The following CIDEA variants were observed in gnomAD, a reference collection of about 807,000 sequenced individuals.
CIDEA encodes the protein lipid transferase CIDEA.
A neutral mutation model predicts 18.2 loss-of-function variants in CIDEA; 10 were observed. That is an observed-to-expected ratio of 0.55 (90% CI 0.34 to 0.93). The LOEUF is 0.93. Among genes scored for constraint, CIDEA ranks in the 40% least tolerant of loss-of-function variants. The probability of loss-of-function intolerance (pLI) is 0.02; values close to 1 mark genes in which losing one functional copy is unlikely to be tolerated. For synonymous variants in CIDEA, 128 were observed against 124.8 expected, an observed-to-expected ratio of 1.03 and a Z score of -0.17; for missense variants, 309 against 293.1, an observed-to-expected ratio of 1.05 and a Z score of -0.40.
chr18:12,259,655 T>G (rs750863773), intron 1 of CIDEA, among the ~76,000 whole-genome samples: 4 of 150,972 alleles, frequency 2.6e-5, no homozygotes, highest in Non-Finnish European at 5.9e-5. Context: ...AGGTCAGGAG[T>G]TGGAGACAAG....
chr18:12,260,287 T>G lies in CIDEA; in HGVS notation c.39-2538T>G, dbSNP rs142192641. ...CAATCTAGGGCTCGAGCAATCCCCT[T>G]GCCTCAGCCTCCCAAGTAGCTAGGA... On this transcript the variant is annotated intron_variant, in intron 1 of 4. Coordinates refer to ENST00000320477, the MANE Select transcript of CIDEA (RefSeq NM_001279.4). Among the ~76,000 whole-genome samples, 50 of 152,250 alleles carry G rather than the reference T, an allele frequency of 3.3e-4. No individual in the cohort carries two copies. The East Asian group carries it at 5.8e-3, about 18-fold the overall frequency.
At chr18:12,273,956 T>A in intron 3 of CIDEA, 137 bp from the exon 4 acceptor site, 1 of 852,464 alleles carries the variant, frequency 1.2e-6, no homozygotes, top group Non-Finnish European at 1.8e-6. Context: ...AAAGCATCTC[T>A]CTATCGATTA....
intron 3 of CIDEA, among the ~76,000 whole-genome samples, chr18:12,271,037 T>G (rs1011501795): frequency 6.6e-6 from 1 of 151,678 alleles, no homozygotes; most frequent in African/African-American, 2.4e-5. Flanking sequence ...TAGCTGGGAT[T>G]ACAGGCGCCC....
In CIDEA at chr18:12,274,136, G is replaced by A. The variant is rs866699098; in HGVS notation, c.374G>A (p.Gly125Glu). Reference protein sequence around the residue: ...VPTCSPPKRSGIARVTFDLYR... With the variant: ...VPTCSPPKRSEIARVTFDLYR... ...ACTTGCTCGCCGCCGAAGAGGTCGG[G>A]AATAGCGAGAGTCACCTTCGACTTG... The change falls in exon 4 of 5, where the codon GGA becomes GAA. Residue 125 changes from glycine (G) to glutamate (E), a missense_variant. Transcript: ENST00000320477. The A allele has an allele frequency of 1.2e-6, 2 of 1,614,098 alleles. No homozygotes were observed. Among genetic ancestry groups the A allele is most frequent in the Non-Finnish European group, 1.7e-6 (2 of 1,180,042 alleles).
At chr18:12,270,908 T>C (rs1487197171) in intron 3 of CIDEA, among the ~76,000 whole-genome samples, 1 of 140,522 alleles carries the variant, frequency 7.1e-6, no homozygotes, top group African/African-American at 2.6e-5. Context: ...TTTTTTTTTT[T>C]TTTTTTTTTG....
intron 1 of CIDEA, among the ~76,000 whole-genome samples, chr18:12,261,996 T>A (rs1294163453): frequency 6.6e-6 from 1 of 151,894 alleles, no homozygotes; most frequent in Non-Finnish European, 1.5e-5. Flanking sequence ...AGTAAGGCCC[T>A]GTCTCTACAA....
At position 12,277,305 on chromosome 18, in the gene CIDEA, C is replaced by T; in HGVS notation, c.*35C>T. 6.2e-7 allele frequency: 1 copy of T among 1,611,554 alleles called. No homozygotes were observed. The highest frequency in any genetic ancestry group is 8.5e-7 in the Non-Finnish European group (1 of 1,178,192). On this transcript the variant is annotated 3_prime_UTR_variant, in exon 5 of 5. Transcript: ENST00000320477. Reference sequence around the variant, plus strand: ...CTGTCGCCGGCTCTTGAGCCAAACACTGTGTTTCGTTTGGCTCAATGACGA... The same window carrying T: ...CTGTCGCCGGCTCTTGAGCCAAACATTGTGTTTCGTTTGGCTCAATGACGA...
intron 3 of CIDEA, among the ~76,000 whole-genome samples, chr18:12,265,246 A>G (rs1460641118): frequency 1.3e-5 from 2 of 152,272 alleles, no homozygotes; most frequent in African/African-American, 4.8e-5. Context: ...ATGCCTAAAA[A>G]TGTAAAGCAC....
At chr18:12,254,991 T>G (rs1568099108) in intron 1 of CIDEA, 1 of 1,178,508 alleles carries the variant, frequency 8.5e-7, no homozygotes, top group East Asian at 5.9e-5. Flanking sequence ...CCTCCTTGCC[T>G]CCGGGTCCAA....
intron 4 of CIDEA, among the ~76,000 whole-genome samples, chr18:12,275,678 G>A (rs903962358): frequency 2.0e-5 from 3 of 152,160 alleles, no homozygotes; most frequent in Non-Finnish European, 4.4e-5. Flanking sequence ...AAGGGGAAAT[G>A]CCCTCCTCTC....
chr18:12,255,929 C>T (rs1314851484), intron 1 of CIDEA, among the ~76,000 whole-genome samples: 1 of 152,234 alleles, frequency 6.6e-6, no homozygotes. Context: ...TCCAGCTTGG[C>T]TCATCCCAGG....
intron 3 of CIDEA, 144 bp downstream of exon 3, chr18:12,264,597 A>G: frequency 1.6e-6 from 1 of 635,200 alleles, no homozygotes; most frequent in Non-Finnish European, 2.5e-6. Flanking sequence ...TCTGTCACCC[A>G]GGCTGGAGTG....
At chr18:12,262,692 A>T in intron 1 of CIDEA, 133 bp from the exon 2 acceptor site, 2 of 838,992 alleles carry the variant, frequency 2.4e-6, no homozygotes, top group South Asian at 3.6e-5. Context: ...TGTATATATA[A>T]TTTTTAGTAA....
At chr18:12,274,011 C>A (rs1381980691) in intron 3 of CIDEA, 82 bp from the exon 4 acceptor site, 2 of 1,463,054 alleles carry the variant, frequency 1.4e-6, no homozygotes, top group South Asian at 1.2e-5. Context: ...ATAGGAGAAT[C>A]TGAAGCTGGC....
At chr18:12,270,655 C>G (rs186964328) in intron 3 of CIDEA, among the ~76,000 whole-genome samples, 65 of 127,200 alleles carry the variant, frequency 5.1e-4, no homozygotes, top group Non-Finnish European at 8.7e-4. Flanking sequence ...CCAATGCACT[C>G]CAGCCTGGGC....
rs764378162 is a variant in CIDEA at position 12,274,277 on chromosome 18, A to C, written c.512+3A>C. 6.2e-7 allele frequency: 1 copy of C among 1,613,930 alleles called. No individual in the cohort carries two copies. On this transcript the variant is annotated splice_donor_region_variant and intron_variant, in intron 4 of 4. Coordinates refer to ENST00000320477, the MANE Select transcript of CIDEA (RefSeq NM_001279.4). Reference sequence around the variant, plus strand: ...ACGGGACTCAAGGGCCTGCTGAGGTAACACACTCCAGGGGTCACCTCCGGG... The same window carrying C: ...ACGGGACTCAAGGGCCTGCTGAGGTCACACACTCCAGGGGTCACCTCCGGG...
intron 3 of CIDEA, among the ~76,000 whole-genome samples, chr18:12,268,014 T>C (rs1912399454): frequency 6.6e-6 from 1 of 152,200 alleles, no homozygotes; most frequent in African/African-American, 2.4e-5. Flanking sequence ...GTCGAGAAAC[T>C]ATAAGCTATA....
chr18:12,270,646 C>A (rs1174177466), intron 3 of CIDEA, among the ~76,000 whole-genome samples: 1 of 129,002 alleles, frequency 7.8e-6, no homozygotes, highest in Non-Finnish European at 1.5e-5. Context: ...GAGATAGCAC[C>A]AATGCACTCC....
chr18:12,258,282 G>T (rs1439153735), intron 1 of CIDEA, among the ~76,000 whole-genome samples: 2 of 152,222 alleles, frequency 1.3e-5, no homozygotes, highest in African/African-American at 4.8e-5. Flanking sequence ...CAGGAACCTG[G>T]AATTAATCAT....
Sources: allele counts gnomAD v4.1 joint callset (sites outside exome capture counted in the v4.1 genomes callset), GRCh38; gene constraint gnomAD v4.1.1; transcripts MANE v1.5; gene names NCBI Gene and HGNC (gene_info 2026-07-23, HGNC 2026-07-21).